Variants in GRID2 observed in about 807,000 individuals in gnomAD.
GRID2 encodes the protein glutamate receptor ionotropic, delta-2.
Under a neutral mutation model 114.8 loss-of-function variants are expected in GRID2, and 33 were observed. That is an observed-to-expected ratio of 0.29 (90% CI 0.22 to 0.38). The LOEUF (loss-of-function observed/expected upper bound fraction) is 0.38. Among genes scored for constraint, GRID2 ranks in the 10% least tolerant of loss-of-function variants. GRID2 has a pLI of 1.00. For synonymous variants in GRID2, 505 were observed against 449.9 expected, an observed-to-expected ratio of 1.12 and a Z score of -1.55; for missense variants, 1,184 against 1,257.7, an observed-to-expected ratio of 0.94 and a Z score of 0.89.
intron 1 of GRID2, among the ~76,000 whole-genome samples, chr4:92,500,329 T>C (rs1424853189): frequency 6.6e-6 from 1 of 152,136 alleles, no homozygotes; most frequent in African/African-American, 2.4e-5. Context: ...AGCGCAATCA[T>C]TAAGATGTCA....
chr4:92,860,097 G>A (rs994300210), intron 2 of GRID2, among the ~76,000 whole-genome samples: 3 of 151,966 alleles, frequency 2.0e-5, no homozygotes, highest in Non-Finnish European at 2.9e-5. Context: ...CCAAAGAATT[G>A]TCTTTTTTTT....
intron 13 of GRID2, among the ~76,000 whole-genome samples, chr4:93,570,913 G>A (rs1735873571): frequency 6.6e-6 from 1 of 152,052 alleles, no homozygotes; most frequent in Non-Finnish European, 1.5e-5. Flanking sequence ...AATGGTAAAT[G>A]GAGGCATAAA....
chr4:92,613,960 G>A (rs1256528496), intron 2 of GRID2, among the ~76,000 whole-genome samples: 1 of 151,270 alleles, frequency 6.6e-6, no homozygotes, highest in Non-Finnish European at 1.5e-5. Flanking sequence ...GTGATGTTGA[G>A]ATACATATAA....
chr4:92,943,383 C>G (rs187472013), intron 2 of GRID2, among the ~76,000 whole-genome samples: 183 of 152,310 alleles, frequency 1.2e-3, no homozygotes, highest in Admixed American at 3.3e-3. Context: ...GCTACTGAGG[C>G]TTGTGCATTC....
chr4:92,469,307 G>T (rs1438856540), intron 1 of GRID2, among the ~76,000 whole-genome samples: 1 of 152,076 alleles, frequency 6.6e-6, no homozygotes, highest in Non-Finnish European at 1.5e-5. Flanking sequence ...AATGAAGAAG[G>T]TTAGAATATA....
At chr4:93,032,544 T>C (rs977691044) in intron 2 of GRID2, among the ~76,000 whole-genome samples, 32 of 152,180 alleles carry the variant, frequency 2.1e-4, no homozygotes, top group Non-Finnish European at 2.9e-5. Context: ...AATAGGGATT[T>C]CTTAACTCTT....
At chr4:93,063,572 G>A (rs1213122596) in intron 2 of GRID2, among the ~76,000 whole-genome samples, 1 of 151,742 alleles carries the variant, frequency 6.6e-6, no homozygotes, top group Non-Finnish European at 1.5e-5. Context: ...TGTGACTAAT[G>A]GTTAGCTGTC....
At chr4:92,699,251 G>A (rs1425404659) in intron 2 of GRID2, among the ~76,000 whole-genome samples, 1 of 152,066 alleles carries the variant, frequency 6.6e-6, no homozygotes, top group African/African-American at 2.4e-5. Flanking sequence ...CTGGCCAGTT[G>A]GATTCATTTC....
At chr4:92,686,290 A>G (rs977809181) in intron 2 of GRID2, among the ~76,000 whole-genome samples, 1 of 151,934 alleles carries the variant, frequency 6.6e-6, no homozygotes, top group African/African-American at 2.4e-5. Flanking sequence ...AACCTTCAGG[A>G]ATATATCTTA....
At chr4:93,689,355 C>T (rs1726346341) in intron 14 of GRID2, among the ~76,000 whole-genome samples, 1 of 152,094 alleles carries the variant, frequency 6.6e-6, no homozygotes, top group Non-Finnish European at 1.5e-5. Context: ...GAATTACTAA[C>T]TCAATATGTT....
chr4:92,730,665 A>G (rs1736288047), intron 2 of GRID2, among the ~76,000 whole-genome samples: 1 of 151,962 alleles, frequency 6.6e-6, no homozygotes, highest in Admixed American at 6.6e-5. Context: ...AACAAGCCCA[A>G]AGTAATAATA....
chr4:93,389,281 G>T (rs556136607), intron 8 of GRID2, among the ~76,000 whole-genome samples: 6 of 152,070 alleles, frequency 3.9e-5, no homozygotes, highest in African/African-American at 1.4e-4. Flanking sequence ...ACTTTTATCA[G>T]GTTGTAATAA....
chr4:92,999,974 G>T (rs1259283640), intron 2 of GRID2, among the ~76,000 whole-genome samples: 1 of 151,570 alleles, frequency 6.6e-6, no homozygotes, highest in East Asian at 1.9e-4. Context: ...TTCTGAAAGA[G>T]AATTCTAAAG....
chr4:92,412,828 G>A (rs889704644), intron 1 of GRID2, among the ~76,000 whole-genome samples: 3 of 152,120 alleles, frequency 2.0e-5, no homozygotes, highest in African/African-American at 7.2e-5. Flanking sequence ...TCCTCTGCCT[G>A]TAGCAAATGT....
intron 13 of GRID2, 27 bp downstream of exon 13, chr4:93,515,438 G>A: frequency 7.1e-7 from 1 of 1,408,156 alleles, no homozygotes. Flanking sequence ...TCCTTTAATA[G>A]TCCTTACCAT....
At chr4:93,259,554 A>G (rs1379507354) in intron 8 of GRID2, among the ~76,000 whole-genome samples, 3 of 151,876 alleles carry the variant, frequency 2.0e-5, no homozygotes, top group Admixed American at 6.6e-5. Flanking sequence ...TTTCAAAGCC[A>G]AGTGCACAGC....
chr4:92,531,703 A>G (rs1265687959), intron 1 of GRID2, among the ~76,000 whole-genome samples: 1 of 152,162 alleles, frequency 6.6e-6, no homozygotes, highest in African/African-American at 2.4e-5. Flanking sequence ...TTATGAGAGG[A>G]CTAGAAAATG....
chr4:92,816,752 G>C (rs894882535), intron 2 of GRID2, among the ~76,000 whole-genome samples: 3 of 152,054 alleles, frequency 2.0e-5, no homozygotes, highest in Non-Finnish European at 2.9e-5. Flanking sequence ...GATTCTAATA[G>C]TACTAGTTTA....
At chr4:92,934,201 T>A (rs1238628051) in intron 2 of GRID2, among the ~76,000 whole-genome samples, 2 of 151,850 alleles carry the variant, frequency 1.3e-5, no homozygotes, top group Non-Finnish European at 2.9e-5. Context: ...TATCCTCTTT[T>A]ATTTCATTGA....
Sources: gnomAD v4.1 joint callset for allele counts (sites outside exome capture counted in the v4.1 genomes callset) on GRCh38, gnomAD v4.1.1 for gene constraint, MANE v1.5 for transcripts, NCBI Gene and HGNC (gene_info 2026-07-23, HGNC 2026-07-21) for gene names.